LIPE: variants seen among roughly 807,000 people sequenced by gnomAD.
LIPE encodes the protein lipase E, hormone sensitive type.
LIPE carries 66 observed loss-of-function variants against 88.5 expected under a neutral mutation model. That is an observed-to-expected ratio of 0.75 (90% confidence interval 0.61 to 0.91). The LOEUF (loss-of-function observed/expected upper bound fraction) is 0.91. LIPE is among the 40% of genes least tolerant of loss of function. The pLI, the probability that LIPE is intolerant of heterozygous loss-of-function variation, is 0.00. For synonymous variants in LIPE, 570 were observed against 617.5 expected (o/e 0.92, Z 1.14); for missense variants, 1,346 against 1,434.7 (o/e 0.94, Z 1.00).
At position 42,405,368 on chromosome 19, in the gene LIPE, G is replaced by C; in HGVS notation, c.2542+17C>G. The C allele has an allele frequency of 1.9e-6, 3 of 1,610,154 alleles. No homozygotes were observed. The highest frequency in any genetic ancestry group is 2.5e-6 in the Non-Finnish European group (3 of 1,178,478). ...TGCCCACCCTGGCTGGGCATGTGAC[G>C]GGAGTGAATCACTCACCTGCTATGG... On this transcript the variant is annotated intron_variant, in intron 8 of 9. Coordinates refer to ENST00000244289, the MANE Select transcript of LIPE (RefSeq NM_005357.4).
rs779477629 is a variant in LIPE, at chr19:42,402,898, G to C, written c.2676C>G (p.Pro892=). The C allele has an allele frequency of 3.7e-6, 6 of 1,613,144 alleles. No individual in the cohort carries two copies. The highest frequency in any genetic ancestry group is 1.6e-4 in the Middle Eastern group (1 of 6,084). ...RGNSETSSDT[P]EMSLSAETLS... is the part of the protein sequence containing the mutation. ...GTGTCTCAGCTGACAGCGACATCTC[G>C]GGGGTGTCCGACGACGTCTCGGAGT... Residue 892 remains proline, a synonymous_variant, in exon 9 of 10, where the codon CCC becomes CCG. Coordinates refer to ENST00000244289, the MANE Select transcript of LIPE (RefSeq NM_005357.4).
rs932903107 is a variant in LIPE at position 42,414,460 on chromosome 19, C to T, written c.884-3618G>A. ...CATAATTTATAAGTGGGGCCATGGC[C>T]GGCATGTTCTGCATGTGGTTTGCTT... On this transcript the variant is annotated intron_variant, in intron 1 of 9. Coordinates refer to ENST00000244289, the MANE Select transcript of LIPE (RefSeq NM_005357.4). This position sits in a 1 kb window ranked among gnomAD's most constrained non-coding sequence, Gnocchi z 4.6. 3.9e-5 allele frequency among the ~76,000 whole-genome samples: 6 copies of T among 152,202 alleles called. No homozygotes were observed. Among genetic ancestry groups the T allele is most frequent in the African/African-American group, 1.4e-4 (6 of 41,454 alleles).
intron 1 of LIPE, among the ~76,000 whole-genome samples, chr19:42,421,099 A>G (rs2040589731): frequency 6.6e-6 from 1 of 151,938 alleles, no homozygotes; most frequent in South Asian, 2.1e-4. Context: ...GGGTCTCGCT[A>G]TGTTGCCCAC....
intron 2 of LIPE, among the ~76,000 whole-genome samples, chr19:42,409,400 C>CAAAAAA (rs760628566): frequency 8.0e-4 from 58 of 72,834 alleles, no homozygotes; most frequent in Middle Eastern, 8.1e-3. Flanking sequence ...AAACAAAATA[C>CAAAAAA]AAAAAAAAAA....
At chr19:42,423,152 G>A (rs1228383330) in intron 1 of LIPE, 2 of 296,552 alleles carry the variant, frequency 6.7e-6, no homozygotes, top group Non-Finnish European at 1.3e-5. Context: ...GAATCCGAGC[G>A]GGAACCCTGG....
Position 42,401,701 on chromosome 19 carries a change from G to A in LIPE, c.*111C>T. On this transcript the variant is annotated 3_prime_UTR_variant, in exon 10 of 10. Transcript: ENST00000244289. Reference sequence around the variant, plus strand: ...CGAGGGTCTCAGCTTTCGGGCCCCCGCCCCGCCCCCTTGCCACCCCCGACT... The same window carrying A: ...CGAGGGTCTCAGCTTTCGGGCCCCCACCCCGCCCCCTTGCCACCCCCGACT... 1.3e-5 allele frequency: 1 copy of A among 79,162 alleles called. No homozygotes were observed. The highest frequency in any genetic ancestry group is 1.7e-4 in the Admixed American group (1 of 5,938). The allele number at this position is 79,162 out of a possible 1,614,324, so 4.9% of individuals were successfully genotyped here.
At chr19:42,426,101 CTT>C (rs1030833973) in intron 1 of LIPE, among the ~76,000 whole-genome samples, 164 bp downstream of exon 1, 8 of 104,084 alleles carry the variant, frequency 7.7e-5, no homozygotes, top group Admixed American at 1.0e-4. Context: ...TGCGCCCAGC[CTT>C]TTTTTTTTTT....
At chr19:42,426,226 C>G (rs745798893) in intron 1 of LIPE, 41 bp downstream of exon 1, 4 of 1,510,416 alleles carry the variant, frequency 2.6e-6, no homozygotes, top group Non-Finnish European at 2.7e-6. Flanking sequence ...AAATGAATGA[C>G]TGTCCCTGAG....
Position 42,410,855 on chromosome 19 carries a change from G to A in LIPE, c.884-13C>T, listed in dbSNP as rs2040355397. ...ATGAGCCTTGAGGCTGTGGGCAGGT[G>A]GGGAGGCCTGTTAGGTGGGGCTGGA... On this transcript the variant is annotated splice_polypyrimidine_tract_variant and intron_variant, in intron 1 of 9. Transcript: ENST00000244289. This position sits in a 1 kb window ranked among gnomAD's most constrained non-coding sequence, Gnocchi z 6.1. The A allele has an allele frequency of 1.3e-6, 2 of 1,534,590 alleles. No individual in the cohort carries two copies. The highest frequency in any genetic ancestry group is 1.8e-6 in the Non-Finnish European group (2 of 1,141,194).
At position 42,402,086 on chromosome 19, in the gene LIPE, G is replaced by A; in HGVS notation, c.2968-11C>T. On this transcript the variant is annotated splice_polypyrimidine_tract_variant and intron_variant, in intron 9 of 9. Coordinates refer to ENST00000244289, the MANE Select transcript of LIPE (RefSeq NM_005357.4). ...GTCCAGCGCGCACGCCTACGGGACA[G>A]CGGGGAGGGACGTGGAGAGAGGGTG... is the stretch of plus-strand genomic sequence containing the variant. The A allele has an allele frequency of 6.8e-7, 1 of 1,469,074 alleles. No individual in the cohort carries two copies. Among genetic ancestry groups the A allele is most frequent in the Non-Finnish European group, 9.0e-7 (1 of 1,106,914 alleles). The allele number at this position is 1,469,074 out of a possible 1,614,324, so 91.0% of individuals were successfully genotyped here.
chr19:42,409,400 C>CAAAAAAAAAAAAA (rs760628566), intron 2 of LIPE, among the ~76,000 whole-genome samples: 121 of 71,710 alleles, frequency 1.7e-3, no homozygotes, highest in Non-Finnish European at 1.7e-3. Context: ...AAACAAAATA[C>CAAAAAAAAAAAAA]AAAAAAAAAA....
rs755537172 is a variant in LIPE, at chr19:42,410,417, G to T, written c.1309C>A (p.Arg437=). ...YYAQRLLVTN[R]PGVLFFEGDE... ...CCCTCAAAGAAGAGTACCCCCGGCCGATTGGTAACCAGCAGGCGCTGGGCG... is the reference window on the plus strand; with the variant it reads ...CCCTCAAAGAAGAGTACCCCCGGCCTATTGGTAACCAGCAGGCGCTGGGCG... The change falls in exon 2 of 10, where the codon CGG becomes AGG. Residue 437 remains arginine (R), a synonymous_variant. Coordinates refer to ENST00000244289, the MANE Select transcript of LIPE (RefSeq NM_005357.4). This position sits in a 1 kb window ranked among gnomAD's most constrained non-coding sequence, Gnocchi z 6.1. 2 of 1,614,116 alleles carry T rather than the reference G, an allele frequency of 1.2e-6. No homozygotes were observed. Among genetic ancestry groups the T allele is most frequent in the Admixed American group, 1.7e-5 (1 of 60,010 alleles).
chr19:42,424,649 A>C, intron 1 of LIPE: 2 of 456,290 alleles, frequency 4.4e-6, no homozygotes, highest in Non-Finnish European at 8.8e-6. Context: ...CTCTGGGCGG[A>C]GGGGCCGCCA....
rs558530804 is a variant in LIPE, at chr19:42,422,361, G to A, written c.883+3906C>T. Among the ~76,000 whole-genome samples, 3 of 152,308 alleles carry A rather than the reference G, an allele frequency of 2.0e-5. 1 individual carries two copies. In the South Asian group the frequency reaches 6.2e-4, roughly 32 times the overall value. ...GAGGAACCGGATCTCCGACGCCCAC[G>A]TTTCTTAACTACAGTCTGTACTGCC... On this transcript the variant is annotated intron_variant, in intron 1 of 9. Coordinates refer to ENST00000244289, the MANE Select transcript of LIPE (RefSeq NM_005357.4).
chr19:42,412,637 C>T (rs1230743672), intron 1 of LIPE: 5 of 893,870 alleles, frequency 5.6e-6, no homozygotes, highest in Non-Finnish European at 6.7e-6. Flanking sequence ...CAGGAGTCCA[C>T]ACCCACAGCC....
chr19:42,405,976 T>TCACTCACACA (rs1555788434), intron 7 of LIPE, 185 bp downstream of exon 7: 1 of 417,226 alleles, frequency 2.4e-6, no homozygotes, highest in Non-Finnish European at 4.3e-6. Context: ...TCTCTCTCTC[T>TCACTCACACA]CACACACACA....
Position 42,410,171 on chromosome 19 carries a change from C to T in LIPE, c.1419+136G>A. On this transcript the variant is annotated intron_variant, in intron 2 of 9. Transcript: ENST00000244289. This position sits in a 1 kb window ranked among gnomAD's most constrained non-coding sequence, Gnocchi z 6.1. ...GCAGCTCTGTCTGAGCTCCAGCCAA[C>T]TTCTCCTTTCTGTACCTGCTGTTTG... 1 of 913,444 alleles carries T rather than the reference C, an allele frequency of 1.1e-6. No individual in the cohort carries two copies. The highest frequency in any genetic ancestry group is 1.8e-5 in the South Asian group (1 of 56,786). 56.6% of individuals were successfully genotyped at this position (913,444 alleles called of 1,614,324 possible).
chr19:42,427,199 G>C lies in LIPE; in HGVS notation c.-50C>G. ...TGATCTTCCAGGTTCTATCCTTCTGGGCTCCCACCCAGCCCTCTCTCTTCA... is the reference window on the plus strand; with the variant it reads ...TGATCTTCCAGGTTCTATCCTTCTGCGCTCCCACCCAGCCCTCTCTCTTCA... On this transcript the variant is annotated 5_prime_UTR_variant, in exon 1 of 10. Transcript: ENST00000244289. 6.6e-7 allele frequency: 1 copy of C among 1,526,170 alleles called. No homozygotes were observed. The highest frequency in any genetic ancestry group is 8.8e-7 in the Non-Finnish European group (1 of 1,142,736). 94.5% of individuals were successfully genotyped at this position (1,526,170 alleles called of 1,614,324 possible).
At chr19:42,412,853 T>C (rs1285856533) in intron 1 of LIPE, among the ~76,000 whole-genome samples, 5 of 152,086 alleles carry the variant, frequency 3.3e-5, no homozygotes, top group African/African-American at 1.2e-4. Flanking sequence ...GCCCCAGCTG[T>C]TGGGGGGAGA....
Sources: gnomAD v4.1 joint callset for allele counts (sites outside exome capture counted in the v4.1 genomes callset) on GRCh38, gnomAD v4.1.1 for gene constraint, Gnocchi (gnomAD v3.1) non-coding constraint, MANE v1.5 for transcripts, NCBI Gene and HGNC (gene_info 2026-07-23, HGNC 2026-07-21) for gene names.